The following BRI3BP variants were observed in gnomAD, a reference collection of about 807,000 sequenced individuals.
BRI3BP encodes BRI3-binding protein.
In BRI3BP, 7 loss-of-function variants were observed where a neutral mutation model predicts 15.8. The ratio of observed to expected loss-of-function variants is 0.44; its 90% CI spans 0.25 to 0.83. The LOEUF (loss-of-function observed/expected upper bound fraction) is 0.83, where lower values mean the gene tolerates loss of function less well. Ranked by LOEUF, BRI3BP falls within the 40% of genes least tolerant of loss-of-function variation. BRI3BP has a pLI of 0.20. For missense variants in BRI3BP, 320 were observed against 339.3 expected (o/e 0.94, Z 0.45); for synonymous variants, 192 against 163.5 (o/e 1.17, Z -1.33).
Position 125,025,003 on chromosome 12 carries a change from C to G in BRI3BP, c.329C>G (p.Ser110Cys), listed in dbSNP as rs1438330441. ...DVLGLDVSNL[S>C]QYFSPASVSS... is the part of the protein sequence containing the mutation. ...TTCTGTCCCGCAGTCTCCAACCTGT[C>G]CCAGTATTTCAGCCCAGCCTCGGTG... Residue 110 changes from serine (S) to cysteine (C), a missense_variant, in exon 3 of 3, where the codon TCC becomes TGC. Transcript: ENST00000341446. 2 of 1,612,542 alleles carry G rather than the reference C, an allele frequency of 1.2e-6. No homozygotes were observed. The highest frequency in any genetic ancestry group is 1.7e-6 in the Non-Finnish European group (2 of 1,179,400).
intron 1 of BRI3BP, among the ~76,000 whole-genome samples, chr12:125,001,115 C>T (rs892289944): frequency 7.9e-5 from 12 of 151,862 alleles, no homozygotes; most frequent in African/African-American, 2.9e-4. Context: ...AGTGCAGTGG[C>T]GCGATCTCGG....
intron 1 of BRI3BP, among the ~76,000 whole-genome samples, chr12:125,001,728 C>CTT (rs11431169): frequency 1.5e-3 from 226 of 147,956 alleles, no homozygotes; most frequent in African/African-American, 4.2e-3. Context: ...GACTAAATGT[C>CTT]TTTTTTTTTT....
chr12:125,034,543 C>T, downstream of BRI3BP, among the ~76,000 whole-genome samples: 1 of 152,094 alleles, frequency 6.6e-6, no homozygotes, highest in Non-Finnish European at 1.5e-5. Flanking sequence ...GCTCTCCATC[C>T]CCAGGCAACC....
intron 2 of BRI3BP, among the ~76,000 whole-genome samples, chr12:125,014,172 G>A (rs1475477712): frequency 1.3e-5 from 2 of 152,144 alleles, no homozygotes; most frequent in African/African-American, 4.8e-5. Flanking sequence ...CAGGTAAACA[G>A]GGATCTCCTA....
At chr12:124,998,914 G>A (rs1049021920) in intron 1 of BRI3BP, among the ~76,000 whole-genome samples, 2 of 151,806 alleles carry the variant, frequency 1.3e-5, no homozygotes, top group South Asian at 2.1e-4. Flanking sequence ...CCATCTCTAC[G>A]AAAAACCAAA....
the BRI3BP span, among the ~76,000 whole-genome samples, chr12:125,050,947 CT>C: frequency 6.6e-6 from 1 of 152,160 alleles, no homozygotes. Context: ...ACACTAGGGA[CT>C]TTGTATTTTT....
chr12:124,999,143 C>G (rs530622851), intron 1 of BRI3BP, among the ~76,000 whole-genome samples: 1 of 152,300 alleles, frequency 6.6e-6, no homozygotes, highest in South Asian at 2.1e-4. Flanking sequence ...TGATTCCTCT[C>G]AGGCAGAATA....
In BRI3BP at chr12:124,993,840, T is replaced by A; in HGVS notation, c.50T>A (p.Leu17Gln). Residue 17 changes from leucine to glutamine, a missense_variant, in exon 1 of 3, where the codon CTG (leucine) becomes CAG (glutamine). By Grantham distance (113) the Leu-to-Gln change is moderately radical. Coordinates refer to ENST00000341446, the MANE Select transcript of BRI3BP (RefSeq NM_080626.6). ...CCCCTGGCCCGGGCCGGGCTCCTGC[T>A]GCTGCTGCTGCTGCTGCTGCTGCTC... ...GGPLARAGLL[L>Q]LLLLLLLLGL... The A allele has an allele frequency of 8.6e-7, 1 of 1,165,252 alleles. No individual in the cohort carries two copies. Among genetic ancestry groups the A allele is most frequent in the East Asian group, 4.1e-5 (1 of 24,284 alleles). 72.2% of individuals were successfully genotyped at this position (1,165,252 alleles called of 1,614,324 possible). A position where few individuals can be genotyped will look rare whatever the true frequency, so the allele number is the denominator to read the frequency against.
At chr12:125,045,355 T>C in the BRI3BP span, among the ~76,000 whole-genome samples, 1,260 of 152,300 alleles carry the variant, frequency 8.3e-3, 20 homozygotes, top group African/African-American at 0.028. Flanking sequence ...TTCTTTTTTT[T>C]TGGACGGAGT....
At chr12:124,994,180 A>G (rs1955020889) in intron 1 of BRI3BP, among the ~76,000 whole-genome samples, 177 bp downstream of exon 1, 1 of 151,586 alleles carries the variant, frequency 6.6e-6, no homozygotes, top group Non-Finnish European at 1.5e-5. Context: ...GGGCCTGACC[A>G]GTGCGGGTCT....
chr12:125,025,561 C>A lies in BRI3BP; in HGVS notation c.*131C>A. 3.3e-6 allele frequency: 3 copies of A among 908,094 alleles called. No homozygotes were observed. Among genetic ancestry groups the A allele is most frequent in the East Asian group, 2.7e-5 (1 of 37,484 alleles). The allele number at this position is 908,094 out of a possible 1,614,324, so 56.3% of individuals were successfully genotyped here. A position where few individuals can be genotyped will look rare whatever the true frequency, so the allele number is the denominator to read the frequency against. On this transcript the variant is annotated 3_prime_UTR_variant, in exon 3 of 3. Transcript: ENST00000341446. ...AGCAAGAAAGTGGCGCTGTGTAGGGCTATTTCCACCCACCCGGCAGCTCTT... is the reference window on the plus strand; with the variant it reads ...AGCAAGAAAGTGGCGCTGTGTAGGGATATTTCCACCCACCCGGCAGCTCTT...
Position 125,029,570 on chromosome 12 carries a change from A to ATATGTATATGTG in BRI3BP, c.*4143_*4144insGTATATGTGTAT, listed in dbSNP as rs1955391417. ...AGTGTGTGTGTGTGTATATATATGT[A>ATATGTATATGTG]TATATATATACACACACACACACTT... On this transcript the variant is annotated 3_prime_UTR_variant, in exon 3 of 3. Transcript: ENST00000341446. 1 of 142,916 alleles carries ATATGTATATGTG rather than the reference A, an allele frequency of 7.0e-6. No homozygotes were observed. Among genetic ancestry groups the ATATGTATATGTG allele is most frequent in the Non-Finnish European group, 1.5e-5 (1 of 66,800 alleles). The allele number at this position is 142,916 out of a possible 1,614,324, so 8.9% of individuals were successfully genotyped here. A position where few individuals can be genotyped will look rare whatever the true frequency, so the allele number is the denominator to read the frequency against.
At chr12:125,046,986 A>G in the BRI3BP span, among the ~76,000 whole-genome samples, 8 of 152,234 alleles carry the variant, frequency 5.3e-5, no homozygotes, top group Admixed American at 4.6e-4. Flanking sequence ...GCCTGCAATG[A>G]TTAAAATCTT....
chr12:125,032,835 G>A (rs1955416864), downstream of BRI3BP, among the ~76,000 whole-genome samples: 1 of 152,174 alleles, frequency 6.6e-6, no homozygotes, highest in African/African-American at 2.4e-5. Context: ...ACCATAGGCC[G>A]AGGAGGAGGA....
downstream of BRI3BP, among the ~76,000 whole-genome samples, chr12:125,034,650 C>T (rs1175347169): frequency 2.7e-4 from 41 of 151,772 alleles, 1 homozygote; most frequent in South Asian, 2.1e-4. Context: ...AGTGCAGTGG[C>T]GCAATCTTGG....
At chr12:125,049,404 C>A in the BRI3BP span, among the ~76,000 whole-genome samples, 1 of 152,172 alleles carries the variant, frequency 6.6e-6, no homozygotes, top group Non-Finnish European at 1.5e-5. Context: ...AGGGGCTCAT[C>A]TGCGTATTTG....
chr12:125,046,773 T>C, the BRI3BP span, among the ~76,000 whole-genome samples: 2 of 152,230 alleles, frequency 1.3e-5, no homozygotes, highest in Non-Finnish European at 2.9e-5. Flanking sequence ...TTTATTTTAA[T>C]TCGGCTATGG....
At chr12:124,997,094 C>T (rs1252551017) in intron 1 of BRI3BP, among the ~76,000 whole-genome samples, 1 of 151,610 alleles carries the variant, frequency 6.6e-6, no homozygotes, top group Non-Finnish European at 1.5e-5. Flanking sequence ...CTGAAATACA[C>T]CTATGACCAT....
At chr12:125,017,743 C>T (rs1469201912) in intron 2 of BRI3BP, among the ~76,000 whole-genome samples, 2 of 152,122 alleles carry the variant, frequency 1.3e-5, no homozygotes, top group African/African-American at 4.8e-5. Flanking sequence ...ATGTCTTCAT[C>T]GTGTTGCTTA....
Sources: allele counts gnomAD v4.1 joint callset (sites outside exome capture counted in the v4.1 genomes callset), GRCh38; gene constraint gnomAD v4.1.1; transcripts MANE v1.5; gene names NCBI Gene and HGNC (gene_info 2026-07-23, HGNC 2026-07-21).